ST6GALNAC3: variants seen among roughly 807,000 people sequenced by gnomAD.
ST6GALNAC3 encodes the protein alpha-N-acetylgalactosaminide alpha-2,6-sialyltransferase 3.
A neutral mutation model predicts 32.7 loss-of-function variants in ST6GALNAC3; 25 were observed. The ratio of observed to expected loss-of-function variants is 0.76; its 90% CI spans 0.56 to 1.07. The LOEUF is 1.07. Among genes scored for constraint, ST6GALNAC3 ranks in the 50% least tolerant of loss-of-function variants. The probability of loss-of-function intolerance (pLI) is 0.00; values close to 1 mark genes in which losing one functional copy is unlikely to be tolerated. For synonymous variants in ST6GALNAC3, 129 were observed against 133.1 expected (o/e 0.97, Z 0.21); for missense variants, 355 against 382.4 (o/e 0.93, Z 0.60).
chr1:76,261,190 T>G (rs1282457085), intron 1 of ST6GALNAC3, among the ~76,000 whole-genome samples: 1 of 152,156 alleles, frequency 6.6e-6, no homozygotes, highest in Non-Finnish European at 1.5e-5. Context: ...CCAAATGAAG[T>G]TTAGCCCCCC....
chr1:76,492,995 A>G (rs992240755), intron 3 of ST6GALNAC3, among the ~76,000 whole-genome samples: 1 of 151,964 alleles, frequency 6.6e-6, no homozygotes, highest in Admixed American at 6.6e-5. Flanking sequence ...CTAGAAGGAG[A>G]AAGAGGAAGG....
In ST6GALNAC3 at chr1:76,545,595, T is replaced by A. The variant is rs578174868; in HGVS notation, c.624-81857T>A. ...GTCTCATGCACTGCACTAAGTGTTG[T>A]CTATGCCTCACCTTATGTAAACATT... is the stretch of plus-strand genomic sequence containing the variant. On this transcript the variant is annotated intron_variant, in intron 3 of 4. Coordinates refer to ENST00000328299, the MANE Select transcript of ST6GALNAC3 (RefSeq NM_152996.4). Among the ~76,000 whole-genome samples, 319 of 152,282 alleles carry A rather than the reference T, an allele frequency of 2.1e-3. 1 individual carries two copies. Among genetic ancestry groups the A allele is most frequent in the African/African-American group, 7.4e-3 (309 of 41,544 alleles).
At chr1:76,148,450 G>A (rs1260491284) in intron 1 of ST6GALNAC3, among the ~76,000 whole-genome samples, 3 of 152,176 alleles carry the variant, frequency 2.0e-5, no homozygotes, top group Non-Finnish European at 4.4e-5. Context: ...GGGCAAATAG[G>A]TTGCCCAATT....
chr1:76,267,385 A>AAAGAGGCAG (rs1273137570), intron 1 of ST6GALNAC3, among the ~76,000 whole-genome samples: 1 of 152,174 alleles, frequency 6.6e-6, no homozygotes, highest in Non-Finnish European at 1.5e-5. Flanking sequence ...TCCAAAGTCA[A>AAAGAGGCAG]AAGAGGCAGA....
At chr1:76,174,963 C>G (rs748835747) in intron 1 of ST6GALNAC3, among the ~76,000 whole-genome samples, 3 of 152,168 alleles carry the variant, frequency 2.0e-5, no homozygotes, top group Admixed American at 6.6e-5. Context: ...CAACTGCACT[C>G]AGCCCAATAA....
chr1:76,571,905 A>G (rs571640902), intron 3 of ST6GALNAC3, among the ~76,000 whole-genome samples: 1 of 151,976 alleles, frequency 6.6e-6, no homozygotes, highest in African/African-American at 2.4e-5. Context: ...AAAAGGGTGA[A>G]TTTTCCTGTG....
At chr1:76,634,642 G>A (rs539472214), downstream of ST6GALNAC3, 2 of 147,486 alleles carry the variant, frequency 1.4e-5, no homozygotes, top group South Asian at 4.6e-4. Flanking sequence ...AACAGGACAA[G>A]TAAGGATATG....
intron 1 of ST6GALNAC3, among the ~76,000 whole-genome samples, chr1:76,296,115 C>T (rs1210949518): frequency 6.6e-6 from 1 of 151,976 alleles, no homozygotes; most frequent in East Asian, 1.9e-4. Flanking sequence ...TCCTCATGTT[C>T]CTGATTAGAG....
In ST6GALNAC3 at chr1:76,307,822, G is replaced by T. The variant is rs1249825206; in HGVS notation, c.19-5983G>T. ...ATTAATATAGATTGCAAATTTGCTA[G>T]GTCCGGATCTTTGCACTTGTGTTCT... On this transcript the variant is annotated intron_variant, in intron 1 of 4. Coordinates refer to ENST00000328299, the MANE Select transcript of ST6GALNAC3 (RefSeq NM_152996.4). The T allele has an allele frequency of 6.8e-6, 3 of 443,924 alleles. No individual in the cohort carries two copies. The East Asian group carries it at 1.8e-4, about 26-fold the overall frequency. 27.5% of individuals were successfully genotyped at this position (443,924 alleles called of 1,614,324 possible).
intron 3 of ST6GALNAC3, 84 bp downstream of exon 3, chr1:76,412,501 T>C: frequency 1.5e-6 from 2 of 1,353,918 alleles, no homozygotes; most frequent in Admixed American, 2.6e-5. Flanking sequence ...GGATATAAAA[T>C]GAACAGTTAT....
intron 1 of ST6GALNAC3, among the ~76,000 whole-genome samples, chr1:76,194,277 G>A (rs918561395): frequency 4.6e-5 from 7 of 152,134 alleles, no homozygotes; most frequent in African/African-American, 1.2e-4. Context: ...TAGAGTACGA[G>A]CTTAAAGGAC....
chr1:76,161,740 A>G (rs1217158035), intron 1 of ST6GALNAC3, among the ~76,000 whole-genome samples: 1 of 152,220 alleles, frequency 6.6e-6, no homozygotes, highest in Middle Eastern at 3.2e-3. Context: ...GCTTGCCCCA[A>G]CAATGAGCTA....
At chr1:76,619,289 T>C (rs1002988398) in intron 3 of ST6GALNAC3, among the ~76,000 whole-genome samples, 1 of 152,138 alleles carries the variant, frequency 6.6e-6, no homozygotes, top group East Asian at 1.9e-4. Flanking sequence ...AAAAGCTCAA[T>C]ACATTTAACG....
intron 1 of ST6GALNAC3, among the ~76,000 whole-genome samples, chr1:76,223,784 A>G (rs1200063827): frequency 6.6e-6 from 1 of 152,134 alleles, no homozygotes; most frequent in African/African-American, 2.4e-5. Flanking sequence ...TGATGCCATG[A>G]TGATTTTTTT....
intron 1 of ST6GALNAC3, among the ~76,000 whole-genome samples, chr1:76,305,121 G>C (rs559997102): frequency 1.3e-5 from 2 of 152,170 alleles, no homozygotes; most frequent in South Asian, 4.1e-4. Context: ...CCCATAAGTA[G>C]TAGGATTTGA....
chr1:76,143,859 G>A (rs1356755291), intron 1 of ST6GALNAC3, among the ~76,000 whole-genome samples: 1 of 152,172 alleles, frequency 6.6e-6, no homozygotes, highest in Non-Finnish European at 1.5e-5. Context: ...GGGGCTTGGA[G>A]TTATGGGGAA....
chr1:76,579,076 T>C (rs1353352757), intron 3 of ST6GALNAC3, among the ~76,000 whole-genome samples: 3 of 152,052 alleles, frequency 2.0e-5, no homozygotes, highest in Non-Finnish European at 4.4e-5. Context: ...GTCTGGTAAC[T>C]TCACTGGAAA....
At chr1:76,624,475 G>C (rs766739974) in intron 3 of ST6GALNAC3, among the ~76,000 whole-genome samples, 1 of 151,918 alleles carries the variant, frequency 6.6e-6, no homozygotes, top group Non-Finnish European at 1.5e-5. Context: ...GTGTGGGCTA[G>C]ACCAGAATGA....
chr1:76,322,934 C>T (rs1015698447), intron 2 of ST6GALNAC3, among the ~76,000 whole-genome samples: 2 of 152,036 alleles, frequency 1.3e-5, no homozygotes, highest in Non-Finnish European at 2.9e-5. Context: ...TCCACCTCCT[C>T]GGCTCAAGCG....
Sources: gnomAD v4.1 joint callset for allele counts (sites outside exome capture counted in the v4.1 genomes callset) on GRCh38, gnomAD v4.1.1 for gene constraint, MANE v1.5 for transcripts, NCBI Gene and HGNC (gene_info 2026-07-23, HGNC 2026-07-21) for gene names.